The following CADPS variants were observed in gnomAD, a reference collection of about 807,000 sequenced individuals.
CADPS encodes the protein calcium dependent secretion activator, also known as calcium-dependent secretion activator 1.
CADPS carries 57 observed loss-of-function variants against 167.3 expected under a neutral mutation model. The ratio of observed to expected loss-of-function variants is 0.34; its 90% CI spans 0.28 to 0.42. The LOEUF is 0.42. CADPS is among the 20% of genes least tolerant of loss of function. The pLI is 1.00. For synonymous variants in CADPS, 676 were observed against 635.3 expected (o/e 1.06, Z -0.96); for missense variants, 1,414 against 1,738.1 (o/e 0.81, Z 3.32).
chr3:62,833,896 G>A (rs532646840), intron 1 of CADPS, among the ~76,000 whole-genome samples: 75 of 152,250 alleles, frequency 4.9e-4, no homozygotes, highest in African/African-American at 1.8e-3. Flanking sequence ...TAAACCATGT[G>A]TATAGTACAA....
intron 6 of CADPS, among the ~76,000 whole-genome samples, chr3:62,622,998 G>C (rs1172342970): frequency 2.0e-5 from 3 of 152,156 alleles, no homozygotes; most frequent in Non-Finnish European, 4.4e-5. Context: ...CTAATAAAGA[G>C]GAATTGTAAT....
chr3:62,581,767 G>A (rs967438189), intron 8 of CADPS, among the ~76,000 whole-genome samples: 7 of 151,984 alleles, frequency 4.6e-5, no homozygotes, highest in East Asian at 1.9e-4. Context: ...TCTGGGTGTC[G>A]GGGGGGCATT....
chr3:62,601,545 C>A lies in CADPS; in HGVS notation c.1326-8797G>T, dbSNP rs1203461211. 6.6e-6 allele frequency among the ~76,000 whole-genome samples: 1 copy of A among 152,136 alleles called. No individual in the cohort carries two copies. The highest frequency in any genetic ancestry group is 2.4e-5 in the African/African-American group (1 of 41,430). On this transcript the variant is annotated intron_variant, in intron 6 of 29. Transcript: ENST00000383710. The surrounding 1 kb of genome is among the most constrained non-coding windows in gnomAD (Gnocchi z 4.3). ...ACATGCACTCACAAAGACAGCTGAC[C>A]CCATGGGGATCCAATTTGCTGCTCT...
At chr3:62,632,148 C>T (rs529951206) in intron 6 of CADPS, among the ~76,000 whole-genome samples, 14 of 152,252 alleles carry the variant, frequency 9.2e-5, no homozygotes, top group East Asian at 5.8e-4. Flanking sequence ...GATTTTCATA[C>T]GAGGTTATCT....
Position 62,457,056 on chromosome 3 carries a change from A to G in CADPS, c.3636+8311T>C, listed in dbSNP as rs546306454. ...AGAGTAAGATTTTTTTTTTAAACCT[A>G]TCTCTACCACTCTTAGTTCAGCAAT... On this transcript the variant is annotated intron_variant, in intron 26 of 29. Coordinates refer to ENST00000383710, the MANE Select transcript of CADPS (RefSeq NM_003716.4). Among the ~76,000 whole-genome samples the G allele has an allele frequency of 4.0e-4, 61 of 152,238 alleles. 1 individual carries two copies. Among genetic ancestry groups the G allele is most frequent in the Admixed American group, 1.4e-3 (22 of 15,290 alleles).
chr3:62,871,930 T>C (rs2082704104), intron 1 of CADPS, among the ~76,000 whole-genome samples: 1 of 152,198 alleles, frequency 6.6e-6, no homozygotes, highest in Admixed American at 6.5e-5. Flanking sequence ...CAAAAAATGA[T>C]CTATGTGCCG....
chr3:62,637,257 C>T (rs571579382), intron 6 of CADPS, among the ~76,000 whole-genome samples: 110 of 152,268 alleles, frequency 7.2e-4, no homozygotes, highest in African/African-American at 2.5e-3. Context: ...GGTTACCCAG[C>T]TGGTGAACGG....
chr3:62,551,847 A>G (rs534889098), intron 10 of CADPS, among the ~76,000 whole-genome samples: 18 of 152,104 alleles, frequency 1.2e-4, no homozygotes, highest in Non-Finnish European at 2.1e-4. Flanking sequence ...TCTCCTTTGT[A>G]TCTTTTCCTA....
rs1363072804 is a variant in CADPS at position 62,481,775 on chromosome 3, G to A, written c.3121C>T (p.Gln1041Ter). The change falls in exon 22 of 30, where the codon CAA becomes TAA. Residue 1041 changes from glutamine to a stop codon, truncating the protein, a stop_gained. Transcript: ENST00000383710. LOFTEE classifies it high-confidence loss of function. ...GACGGTGCCGAAAAAGTAGGCATTT[G>A]TGGGATGCCTAGAGGGATGTTAACT... ...LPVNIPLGIP[Q>*]MPTFSAPSWM... The A allele has an allele frequency of 6.2e-7, 1 of 1,610,206 alleles. No homozygotes were observed. Among genetic ancestry groups the A allele is most frequent in the Non-Finnish European group, 8.5e-7 (1 of 1,178,544 alleles).
chr3:62,576,410 T>C (rs947654972), intron 8 of CADPS, among the ~76,000 whole-genome samples: 2 of 152,086 alleles, frequency 1.3e-5, no homozygotes, highest in African/African-American at 4.8e-5. Context: ...GGGTGATATG[T>C]GTCAAGAGCT....
chr3:62,547,674 A>G (rs1174186142), intron 11 of CADPS, among the ~76,000 whole-genome samples: 1 of 140,006 alleles, frequency 7.1e-6, no homozygotes. Flanking sequence ...TAGAGTAGTG[A>G]TACACATCAA....
chr3:62,663,484 A>T (rs11925415), intron 3 of CADPS, among the ~76,000 whole-genome samples: 12 of 151,864 alleles, frequency 7.9e-5, no homozygotes, highest in African/African-American at 2.4e-4. Context: ...TTTAAATAAA[A>T]TGGTTTTTAT....
In CADPS at chr3:62,811,292, T is replaced by TA. The variant is rs902881308; in HGVS notation, c.442-45309dup. Among the ~76,000 whole-genome samples the TA allele has an allele frequency of 7.7e-3, 1,130 of 147,328 alleles. 15 individuals are homozygous for TA. Among genetic ancestry groups the TA allele is most frequent in the African/African-American group, 0.026 (1,035 of 40,396 alleles). On this transcript the variant is annotated intron_variant, in intron 1 of 29. Transcript: ENST00000383710. The stretch of plus-strand genomic sequence containing the variant: ...CCACTCCTCCTACCAGCCAATCTTA[T>TA]AAAAAAAAAAATCTGTAAGCCAACA...
intron 3 of CADPS, among the ~76,000 whole-genome samples, chr3:62,698,170 T>C (rs1563992017): frequency 6.6e-6 from 1 of 152,136 alleles, no homozygotes; most frequent in East Asian, 1.9e-4. Context: ...AGACAGAAAG[T>C]ATCATTCAGA....
intron 1 of CADPS, among the ~76,000 whole-genome samples, chr3:62,828,177 C>A (rs553479984): frequency 6.6e-6 from 1 of 152,244 alleles, no homozygotes; most frequent in East Asian, 1.9e-4. Flanking sequence ...GGGAGTTAAA[C>A]CCTCCATTCC....
At chr3:62,516,289 T>C in intron 15 of CADPS, 107 bp from the exon 16 acceptor site, 4 of 1,392,480 alleles carry the variant, frequency 2.9e-6, no homozygotes, top group Non-Finnish European at 4.0e-6. Context: ...TGTGACTTAA[T>C]AAGATTGAGA....
At chr3:62,471,782 C>T (rs1017402922) in intron 24 of CADPS, among the ~76,000 whole-genome samples, 4 of 152,014 alleles carry the variant, frequency 2.6e-5, no homozygotes, top group African/African-American at 9.7e-5. Flanking sequence ...AACTGCACTG[C>T]ATTTAATTTA....
chr3:62,650,504 T>C (rs1232874012), intron 5 of CADPS, among the ~76,000 whole-genome samples: 1 of 152,194 alleles, frequency 6.6e-6, no homozygotes, highest in Non-Finnish European at 1.5e-5. Flanking sequence ...CACCACAATA[T>C]GATGCTAGCT....
chr3:62,734,301 G>T (rs2078540824), intron 3 of CADPS, among the ~76,000 whole-genome samples: 1 of 152,070 alleles, frequency 6.6e-6, no homozygotes, highest in Admixed American at 6.6e-5. Flanking sequence ...AGTCACATGT[G>T]GCTCCTGAGT....
Sources: gnomAD v4.1 joint callset for allele counts (sites outside exome capture counted in the v4.1 genomes callset) on GRCh38, gnomAD v4.1.1 for gene constraint, Gnocchi (gnomAD v3.1) non-coding constraint, MANE v1.5 for transcripts, NCBI Gene and HGNC (gene_info 2026-07-23, HGNC 2026-07-21) for gene names.